Variants in ABCA1 observed in about 807,000 individuals in gnomAD.
ABCA1 encodes the protein ATP binding cassette subfamily A member 1.
Under a neutral mutation model 262.5 loss-of-function variants are expected in ABCA1, and 133 were observed. The observed-to-expected ratio is 0.51, with a 90% CI of 0.44 to 0.59. ABCA1 has a LOEUF of 0.59. ABCA1 is among the 20% of genes least tolerant of loss of function. ABCA1 has a pLI of 0.00. For missense variants in ABCA1, 2,452 were observed against 2,777.5 expected (o/e 0.88, Z 2.63); for synonymous variants, 1,022 against 1,043.5 (o/e 0.98, Z 0.40).
intron 9 of ABCA1, 44 bp downstream of exon 9, chr9:104,840,235 G>C (rs1228893555): frequency 6.2e-7 from 1 of 1,613,638 alleles, no homozygotes; most frequent in East Asian, 2.2e-5. Context: ...AACTAAGGGA[G>C]GGATGGGGTT....
intron 30 of ABCA1, among the ~76,000 whole-genome samples, chr9:104,809,020 G>A (rs1045041220): frequency 1.3e-5 from 2 of 152,204 alleles, no homozygotes; most frequent in Non-Finnish European, 2.9e-5. Context: ...TACAATTTGA[G>A]AAGAAGAAAG....
chr9:104,873,953 C>T (rs527623076), intron 5 of ABCA1, among the ~76,000 whole-genome samples: 1 of 152,294 alleles, frequency 6.6e-6, no homozygotes, highest in East Asian at 1.9e-4. Flanking sequence ...TCTCTTAACA[C>T]GAAGGTATAT....
chr9:104,918,388 C>T (rs1401262754), intron 1 of ABCA1, among the ~76,000 whole-genome samples: 2 of 152,096 alleles, frequency 1.3e-5, no homozygotes, highest in African/African-American at 4.8e-5. Flanking sequence ...GTCTTATAAT[C>T]CAGGACAAAA....
intron 5 of ABCA1, among the ~76,000 whole-genome samples, chr9:104,862,049 TACAC>T (rs35010837): frequency 0.012 from 1,782 of 145,074 alleles, 26 homozygotes; most frequent in African/African-American, 0.034. Flanking sequence ...ATGGTGCTGT[TACAC>T]ACACACACAC....
In ABCA1 at chr9:104,799,844, T is replaced by C. The variant is rs750722045; in HGVS notation, c.4918A>G (p.Lys1640Glu). The change falls in exon 36 of 50, where the codon AAG (lysine) becomes GAG (glutamate). Residue 1640 changes from lysine (K) to glutamate (E), a missense_variant. Lys to Glu is a moderately conservative substitution (Grantham distance 56). This residue lies in a region of ABCA1 where 752 missense variants were observed against 944.5 expected (regional missense o/e 0.80). Transcript: ENST00000374736. ...AGAGCCACCTCTGAGAGCTGCTGCT[T>C]GGTGAGATTCAGGGGATGATTGAAA... ...TAFNHPLNLT[K>E]QQLSEVALMT... The C allele has an allele frequency of 3.1e-6, 5 of 1,614,064 alleles. No homozygotes were observed. Among genetic ancestry groups the C allele is most frequent in the Non-Finnish European group, 3.4e-6 (4 of 1,180,034 alleles).
intron 31 of ABCA1, 120 bp from the exon 32 acceptor site, chr9:104,804,840 A>T: frequency 1.2e-6 from 1 of 842,512 alleles, no homozygotes. Context: ...TACAGGTCCC[A>T]GACACTGCCC....
chr9:104,890,608 AT>A (rs1284057425), intron 2 of ABCA1, among the ~76,000 whole-genome samples: 46 of 147,630 alleles, frequency 3.1e-4, no homozygotes, highest in East Asian at 7.9e-4. Context: ...AAAAGCAAAG[AT>A]TTTTTTTTTT....
At chr9:104,810,530 G>A (rs1244226194) in intron 29 of ABCA1, among the ~76,000 whole-genome samples, 1 of 152,070 alleles carries the variant, frequency 6.6e-6, no homozygotes. Flanking sequence ...TTGCAAGGGT[G>A]GATTATTTCA....
rs536836332 is a variant in ABCA1, at chr9:104,788,476, C to A, written c.6019G>T (p.Val2007Leu). Residue 2007 changes from valine (V) to leucine (L), a missense_variant, in exon 45 of 50, where the codon GTG becomes TTG. Coordinates refer to ENST00000374736, the MANE Select transcript of ABCA1 (RefSeq NM_005502.4). ...ITELLTGREHVEFFALLRGVP... is the reference protein window; with the variant it reads ...ITELLTGREHLEFFALLRGVP... ...CCTCTCAAAAGGGCAAAGAACTCCA[C>A]GTGTTCTCTCCCAGTCAACAGCTCT... The A allele has an allele frequency of 1.9e-6, 3 of 1,614,168 alleles. No individual in the cohort carries two copies. Among genetic ancestry groups the A allele is most frequent in the Non-Finnish European group, 2.5e-6 (3 of 1,180,022 alleles).
At chr9:104,825,240 A>G (rs1253210867) in intron 17 of ABCA1, among the ~76,000 whole-genome samples, 1 of 152,190 alleles carries the variant, frequency 6.6e-6, no homozygotes, top group Non-Finnish European at 1.5e-5. Flanking sequence ...ACACAGAAAT[A>G]CAGAATTGGG....
intron 7 of ABCA1, among the ~76,000 whole-genome samples, chr9:104,847,365 C>T (rs1834986076): frequency 1.3e-5 from 2 of 152,160 alleles, no homozygotes; most frequent in Admixed American, 1.3e-4. Flanking sequence ...ATGCTGTGCA[C>T]ATATCACAGA....
At position 104,785,426 on chromosome 9, in the gene ABCA1, G is replaced by A. The variant is rs752286382; in HGVS notation, c.6615C>T (p.Asp2205=). Residue 2205 remains aspartate (D), a synonymous_variant, in exon 49 of 50, where the codon GAC becomes GAT. Coordinates refer to ENST00000374736, the MANE Select transcript of ABCA1 (RefSeq NM_005502.4). ...SQSKKRLHIE[D]YSVSQTTLDQ... is the part of the protein sequence containing the mutation. ...CAAGTGTTGTCTGAGAAACAGAGTA[G>A]TCTTCTATGTGGAGTCGCTTTTTGC... 1.9e-6 allele frequency: 3 copies of A among 1,614,078 alleles called. No homozygotes were observed. Among genetic ancestry groups the A allele is most frequent in the East Asian group, 4.5e-5 (2 of 44,880 alleles).
At chr9:104,862,638 CCGGG>C (rs1836538323) in intron 5 of ABCA1, among the ~76,000 whole-genome samples, 1 of 16,744 alleles carries the variant, frequency 6.0e-5, no homozygotes, top group Non-Finnish European at 1.9e-4. Flanking sequence ...GACTGCCGGG[CCGGG>C]CCGGGCCGGG....
At chr9:104,792,628 T>C (rs1829523480) in intron 42 of ABCA1, among the ~76,000 whole-genome samples, 158 bp downstream of exon 42, 1 of 152,232 alleles carries the variant, frequency 6.6e-6, no homozygotes, top group African/African-American at 2.4e-5. Flanking sequence ...TTAAGAAGTC[T>C]CCATGGTGTT....
In ABCA1 at chr9:104,820,141, A is replaced by G. The variant is rs559415173; in HGVS notation, c.2961-72T>C. 2.0e-5 allele frequency: 31 copies of G among 1,582,966 alleles called. No homozygotes were observed. In the Admixed American group the frequency reaches 4.3e-4, roughly 22 times the overall value. On this transcript the variant is annotated intron_variant, in intron 20 of 49. Transcript: ENST00000374736. ...AGAATACAGTGTCCCCTGGCCCAGA[A>G]CAGATGAGAATGGGCATATTTTTCT...
Position 104,829,056 on chromosome 9 carries a change from T to C in ABCA1, c.1975A>G (p.Ile659Val). 6.2e-7 allele frequency: 1 copy of C among 1,614,206 alleles called. No individual in the cohort carries two copies. The highest frequency in any genetic ancestry group is 8.5e-7 in the Non-Finnish European group (1 of 1,180,042). ...AGCCGTGCCTCCTTCTCATACACGA[T>C]GCCCTTGATGATCACAGCCACTGAG... ...IYSVAVIIKG[I>V]VYEKEARLKE... Residue 659 changes from isoleucine (I) to valine (V), a missense_variant, in exon 15 of 50, where the codon ATC (isoleucine) becomes GTC (valine). Ile to Val is a conservative substitution (Grantham distance 29). Coordinates refer to ENST00000374736, the MANE Select transcript of ABCA1 (RefSeq NM_005502.4).
intron 5 of ABCA1, among the ~76,000 whole-genome samples, chr9:104,870,805 T>C (rs1027751877): frequency 1.6e-4 from 24 of 151,246 alleles, no homozygotes; most frequent in African/African-American, 5.8e-4. Context: ...TTATAGGATT[T>C]GGGAAGGTAA....
chr9:104,824,570 C>T lies in ABCA1; in HGVS notation c.2551G>A (p.Gly851Arg), dbSNP rs373580017. The T allele has an allele frequency of 5.6e-6, 9 of 1,613,648 alleles. No individual in the cohort carries two copies. Among genetic ancestry groups the T allele is most frequent in the South Asian group, 3.3e-5 (3 of 91,060 alleles). Residue 851 changes from glycine to arginine, a missense_variant, in exon 18 of 50, where the codon GGA becomes AGA. By Grantham distance (125) the Gly-to-Arg change is moderately radical. This residue lies in a region of ABCA1 where 1,032 missense variants were observed against 1,089.7 expected (regional missense o/e 0.95). Transcript: ENST00000374736. ...GGAAAATACCAGGGCCTGGGAATTC[C>T]GTACTGGCCTGAAAGCAAAGCACAG... The part of the protein sequence containing the change: ...YIEAVFPGQY[G>R]IPRPWYFPCT...
intron 30 of ABCA1, among the ~76,000 whole-genome samples, chr9:104,807,833 A>AAT (rs756381578): frequency 0.056 from 7,682 of 137,570 alleles, 307 homozygotes; most frequent in East Asian, 0.21. Context: ...AAATAAATAA[A>AAT]ATATATATAT....
Sources: gnomAD v4.1 joint callset for allele counts (sites outside exome capture counted in the v4.1 genomes callset) on GRCh38, gnomAD v4.1.1 for gene constraint, gnomAD v4.1.1 regional missense constraint, MANE v1.5 for transcripts, NCBI Gene and HGNC (gene_info 2026-07-23, HGNC 2026-07-21) for gene names.